SMG6: variants seen among roughly 807,000 people sequenced by gnomAD.
The protein encoded by SMG6 is telomerase-binding protein EST1A.
Under a neutral mutation model 142.2 loss-of-function variants are expected in SMG6, and 66 were observed. That is an observed-to-expected ratio of 0.46 (90% CI 0.38 to 0.57). SMG6 has a LOEUF of 0.57. Among genes scored for constraint, SMG6 ranks in the 20% least tolerant of loss-of-function variants. SMG6 has a pLI of 0.00. For synonymous variants in SMG6, 779 were observed against 702.4 expected, an observed-to-expected ratio of 1.11 and a Z score of -1.72; for missense variants, 1,793 against 1,832.0, an observed-to-expected ratio of 0.98 and a Z score of 0.39.
intron 13 of SMG6, among the ~76,000 whole-genome samples, chr17:2,105,083 A>ATTTTTTTTTTTTT (rs549898049): frequency 2.9e-5 from 3 of 103,168 alleles, no homozygotes; most frequent in African/African-American, 9.0e-5. Context: ...CACCCAGCTA[A>ATTTTTTTTTTTTT]TTTTTTTTTT....
chr17:2,099,112 C>T (rs1169908049), intron 13 of SMG6, among the ~76,000 whole-genome samples: 1 of 152,086 alleles, frequency 6.6e-6, no homozygotes, highest in Non-Finnish European at 1.5e-5. Context: ...GATACCTGAA[C>T]AATGTGGATG....
chr17:2,264,502 G>A (rs1428958319), intron 8 of SMG6, among the ~76,000 whole-genome samples: 1 of 152,192 alleles, frequency 6.6e-6, no homozygotes, highest in Non-Finnish European at 1.5e-5. Context: ...CTCACATAGA[G>A]AGGAATGTGC....
chr17:2,080,533 C>G (rs2068388219), intron 15 of SMG6, among the ~76,000 whole-genome samples: 1 of 152,250 alleles, frequency 6.6e-6, no homozygotes, highest in Admixed American at 6.5e-5. Flanking sequence ...GTTCATGGAG[C>G]ACATACTAAG....
intron 13 of SMG6, chr17:2,101,179 C>T (rs2068997104): frequency 1.3e-5 from 2 of 152,266 alleles, no homozygotes; most frequent in Admixed American, 6.5e-5. Flanking sequence ...TCACTGCAAC[C>T]TTGAACTCCT....
chr17:2,096,531 G>C (rs1425289917), intron 13 of SMG6, among the ~76,000 whole-genome samples: 8 of 151,662 alleles, frequency 5.3e-5, no homozygotes, highest in Admixed American at 5.3e-4. Flanking sequence ...TTTTTTTGTA[G>C]AGACAAGGTC....
chr17:2,076,845 C>T (rs1323834005), intron 15 of SMG6, among the ~76,000 whole-genome samples: 1 of 152,190 alleles, frequency 6.6e-6, no homozygotes, highest in Admixed American at 6.5e-5. Context: ...ACCCCAACTC[C>T]AGCTGGCCCG....
chr17:2,083,547 G>A (rs2068479282), intron 14 of SMG6, among the ~76,000 whole-genome samples: 1 of 152,236 alleles, frequency 6.6e-6, no homozygotes, highest in Non-Finnish European at 1.5e-5. Context: ...CTGGGATGCT[G>A]TCCACAGTCA....
At chr17:2,084,008 A>G (rs2068490384) in intron 14 of SMG6, among the ~76,000 whole-genome samples, 2 of 152,194 alleles carry the variant, frequency 1.3e-5, no homozygotes, top group Non-Finnish European at 2.9e-5. Flanking sequence ...GAGAAAAAAA[A>G]GTGTGGCACT....
intron 13 of SMG6, among the ~76,000 whole-genome samples, chr17:2,124,834 T>C (rs2069819442): frequency 6.6e-6 from 1 of 152,212 alleles, no homozygotes; most frequent in Admixed American, 6.5e-5. Context: ...TTATTTTTTG[T>C]TTCTAACGTG....
intron 8 of SMG6, among the ~76,000 whole-genome samples, chr17:2,273,807 A>G (rs188292233): frequency 2.0e-4 from 31 of 152,098 alleles, no homozygotes; most frequent in Admixed American, 1.1e-3. Flanking sequence ...AAAAAAAAAA[A>G]CCCAAAAAAA....
chr17:2,144,044 G>C (rs996495832), intron 13 of SMG6, among the ~76,000 whole-genome samples: 1 of 135,324 alleles, frequency 7.4e-6, no homozygotes, highest in Non-Finnish European at 1.5e-5. Context: ...ATGCCACCAC[G>C]GCCGCTTTTT....
Position 2,299,536 on chromosome 17 carries a change from C to T in SMG6, c.1217G>A (p.Arg406His), listed in dbSNP as rs762484659. 5.6e-6 allele frequency: 9 copies of T among 1,614,022 alleles called. No individual in the cohort carries two copies. The East Asian group carries it at 6.7e-5, about 12-fold the overall frequency. Residue 406 changes from arginine (R) to histidine (H), a missense_variant, in exon 2 of 19, where the codon CGT becomes CAT. Arg to His is a conservative substitution (Grantham distance 29). Around this residue, in one of 3 missense-constraint regions of SMG6, gnomAD observed 1,597 missense variants for 1,584.6 expected, o/e 1.01. Transcript: ENST00000263073. The surrounding 1 kb of genome is among the most constrained non-coding windows in gnomAD (Gnocchi z 4.3). ...NPKQELRGRG[R>H]GILILPAHTT... is the part of the protein sequence containing the mutation. ...ATGGGCAGGCAAAATCAGAATGCCA[C>T]GACCACGACCCCGAAGTTCTTGTTT...
At position 2,299,395 on chromosome 17, in the gene SMG6, C is replaced by T. The variant is rs1026611879; in HGVS notation, c.1358G>A (p.Arg453His). 6.2e-6 allele frequency: 10 copies of T among 1,613,818 alleles called. No individual in the cohort carries two copies. Among genetic ancestry groups the T allele is most frequent in the Non-Finnish European group, 6.8e-6 (8 of 1,180,020 alleles). ...AGGATTGTTTGGGTCCCACAATCGG[C>T]GTGTGGTGCCTCCACGGCCCCAACT... ...SRSWGRGGTT[R>H]RLWDPNNPDQ... The change falls in exon 2 of 19, where the codon CGC becomes CAC. Residue 453 changes from arginine (R) to histidine (H), a missense_variant. This residue lies in a region of SMG6 where 1,597 missense variants were observed against 1,584.6 expected (regional missense o/e 1.01). Transcript: ENST00000263073. This position sits in a 1 kb window ranked among gnomAD's most constrained non-coding sequence, Gnocchi z 4.3.
Position 2,299,590 on chromosome 17 carries a change from C to G in SMG6, c.1163G>C (p.Gly388Ala), listed in dbSNP as rs1161290704. 2 of 1,614,054 alleles carry G rather than the reference C, an allele frequency of 1.2e-6. No homozygotes were observed. Among genetic ancestry groups the G allele is most frequent in the Admixed American group, 3.3e-5 (2 of 59,994 alleles). Reference sequence around the variant, plus strand: ...GTTTTTGGACTCCTGCTTCTCAGAGCCTTTGCCCCCACTGCTCAAGCCTTT... The same window carrying G: ...GTTTTTGGACTCCTGCTTCTCAGAGGCTTTGCCCCCACTGCTCAAGCCTTT... ...PDKGLSSGGK[G>A]SEKQESKNPK... The change falls in exon 2 of 19, where the codon GGC becomes GCC. Residue 388 changes from glycine (G) to alanine (A), a missense_variant. Physicochemically the swap from Gly to Ala is moderately conservative, Grantham distance 60. Around this residue, in one of 3 missense-constraint regions of SMG6, gnomAD observed 1,597 missense variants for 1,584.6 expected, o/e 1.01. Transcript: ENST00000263073. This position sits in a 1 kb window ranked among gnomAD's most constrained non-coding sequence, Gnocchi z 4.3.
Position 2,275,053 on chromosome 17 carries a change from T to A in SMG6, c.2661+7594A>T, listed in dbSNP as rs138587119. 2.7e-5 allele frequency among the ~76,000 whole-genome samples: 4 copies of A among 150,354 alleles called. No homozygotes were observed. In the East Asian group the frequency reaches 7.8e-4, roughly 29 times the overall value. On this transcript the variant is annotated intron_variant, in intron 8 of 18. Coordinates refer to ENST00000263073, the MANE Select transcript of SMG6 (RefSeq NM_017575.5). ...CGTGAGCATAAAAAAGGTAGAAACC[T>A]AATTATGTAGGTTCCTATCTTTTTA...
intron 12 of SMG6, among the ~76,000 whole-genome samples, chr17:2,181,745 TGTAGATTGAG>T (rs1395879522): frequency 2.0e-5 from 3 of 152,202 alleles, no homozygotes; most frequent in Non-Finnish European, 2.9e-5. Flanking sequence ...CGTGCCTGCC[TGTAGATTGAG>T]CCCTTGCCCA....
intron 13 of SMG6, among the ~76,000 whole-genome samples, chr17:2,140,332 C>T (rs2070437997): frequency 6.6e-6 from 1 of 152,250 alleles, no homozygotes. Context: ...GCTGGGGTTA[C>T]AGGCGTAAGC....
At chr17:2,088,176 A>C (rs2068616895) in intron 13 of SMG6, 1 of 985,468 alleles carries the variant, frequency 1.0e-6, no homozygotes, top group Non-Finnish European at 1.2e-6. Flanking sequence ...ACATGCACAG[A>C]CAGGCGGGCA....
intron 13 of SMG6, among the ~76,000 whole-genome samples, chr17:2,097,566 G>T (rs1195900674): frequency 1.3e-5 from 2 of 152,170 alleles, no homozygotes; most frequent in East Asian, 3.9e-4. Context: ...TTTTCTAATT[G>T]CTAGAAATGT....
Sources: gnomAD v4.1 joint callset for allele counts (sites outside exome capture counted in the v4.1 genomes callset) on GRCh38, gnomAD v4.1.1 for gene constraint, gnomAD v4.1.1 regional missense constraint, Gnocchi (gnomAD v3.1) non-coding constraint, MANE v1.5 for transcripts, NCBI Gene and HGNC (gene_info 2026-07-23, HGNC 2026-07-21) for gene names.